MKLN1: variants seen among roughly 807,000 people sequenced by gnomAD.
MKLN1 encodes the protein muskelin 1, also known as muskelin.
A neutral mutation model predicts 99.0 loss-of-function variants in MKLN1; 18 were observed. The ratio of observed to expected loss-of-function variants is 0.18; its 90% CI spans 0.13 to 0.27. The LOEUF (loss-of-function observed/expected upper bound fraction) is 0.27, where lower values mean the gene tolerates loss of function less well. Ranked by LOEUF, MKLN1 falls within the 10% of genes least tolerant of loss-of-function variation. MKLN1 has a pLI of 1.00. For missense variants in MKLN1, 621 were observed against 875.9 expected (o/e 0.71, Z 3.67); for synonymous variants, 288 against 293.2 (o/e 0.98, Z 0.18).
intron 1 of MKLN1, among the ~76,000 whole-genome samples, chr7:131,332,278 A>G (rs575670575): frequency 4.0e-5 from 6 of 149,720 alleles, no homozygotes; most frequent in Non-Finnish European, 8.9e-5. Context: ...AAAGAAAAAA[A>G]ATATATAAAT....
At chr7:131,472,378 T>C (rs1448586758) in intron 16 of MKLN1, 1 of 152,224 alleles carries the variant, frequency 6.6e-6, no homozygotes, top group Non-Finnish European at 1.5e-5. Context: ...TTCTTAAAGT[T>C]AAACTAATGG....
At chr7:131,313,589 T>C (rs1798609561) in intron 3 of MKLN1, among the ~76,000 whole-genome samples, 1 of 152,216 alleles carries the variant, frequency 6.6e-6, no homozygotes, top group African/African-American at 2.4e-5. Context: ...ACTTTATATC[T>C]CAAAGTACAA....
At chr7:131,394,304 T>C (rs1194479553) in intron 4 of MKLN1, among the ~76,000 whole-genome samples, 1 of 152,054 alleles carries the variant, frequency 6.6e-6, no homozygotes, top group Non-Finnish European at 1.5e-5. Context: ...GTCCCCAACC[T>C]TTTTGACACC....
intron 2 of MKLN1, among the ~76,000 whole-genome samples, chr7:131,187,686 T>C (rs1796472676): frequency 1.3e-5 from 2 of 152,186 alleles, no homozygotes; most frequent in African/African-American, 4.8e-5. Flanking sequence ...CTCAGCACTT[T>C]GGGACGCTGA....
At chr7:131,151,613 T>C (rs11770857) in intron 2 of MKLN1, among the ~76,000 whole-genome samples, 22,661 of 152,194 alleles carry the variant, frequency 0.15, 1,871 homozygotes, top group South Asian at 0.22. Context: ...TAAAGAGTAC[T>C]GGACAAAGTT....
chr7:131,253,185 T>G (rs1456115253), intron 3 of MKLN1, among the ~76,000 whole-genome samples: 1 of 152,178 alleles, frequency 6.6e-6, no homozygotes, highest in Non-Finnish European at 1.5e-5. Context: ...TAAGAACAGT[T>G]GGGAGTCCAT....
At position 131,144,375 on chromosome 7, in the gene MKLN1, G is replaced by A. The variant is rs536614889; in HGVS notation, c.-297+1434G>A. 9.9e-5 allele frequency among the ~76,000 whole-genome samples: 15 copies of A among 151,408 alleles called. No individual in the cohort carries two copies. In the South Asian group the frequency reaches 2.1e-3, roughly 21 times the overall value. ...TGGGCGCCTGTAGTCCCAGCTACTC[G>A]GGAGGCCAAGGAAGGAGAATGGCAT... is the stretch of plus-strand genomic sequence containing the variant. On this transcript the variant is annotated intron_variant, in intron 2 of 7. Transcript: ENST00000416992.
intron 3 of MKLN1, among the ~76,000 whole-genome samples, chr7:131,282,001 C>T (rs1798058675): frequency 6.6e-6 from 1 of 152,018 alleles, no homozygotes; most frequent in Non-Finnish European, 1.5e-5. Context: ...ATCTTATACT[C>T]TTATCATGGT....
intron 3 of MKLN1, among the ~76,000 whole-genome samples, chr7:131,308,736 C>A (rs752503493): frequency 1.2e-4 from 19 of 152,026 alleles, no homozygotes; most frequent in Non-Finnish European, 2.6e-4. Context: ...TAGGCATGTG[C>A]CACCACGCCT....
chr7:131,312,129 T>C (rs1391476529), intron 3 of MKLN1, among the ~76,000 whole-genome samples: 6 of 152,068 alleles, frequency 3.9e-5, no homozygotes, highest in Admixed American at 1.3e-4. Context: ...TTCAAGTGAT[T>C]CTCCTGCCTC....
chr7:131,418,106 C>T (rs1230512073), intron 8 of MKLN1, among the ~76,000 whole-genome samples: 3 of 152,004 alleles, frequency 2.0e-5, no homozygotes, highest in South Asian at 2.1e-4. Context: ...CGGTGGCTCA[C>T]GCCTGTAATC....
Position 131,281,799 on chromosome 7 carries a change from G to A in MKLN1, c.-179+78825G>A, listed in dbSNP as rs572019715. Reference sequence around the variant, plus strand: ...TGAGCTCAGCAATCATCCCATCTCAGTCTTGTGAGTGGCTAGGACTACACA... The same window carrying A: ...TGAGCTCAGCAATCATCCCATCTCAATCTTGTGAGTGGCTAGGACTACACA... On this transcript the variant is annotated intron_variant, in intron 3 of 7. Transcript: ENST00000416992. 4.6e-5 allele frequency among the ~76,000 whole-genome samples: 7 copies of A among 151,870 alleles called. No homozygotes were observed. In the South Asian group the frequency reaches 8.3e-4, roughly 18 times the overall value.
At chr7:131,130,726 A>G (rs897321289) in intron 1 of MKLN1, among the ~76,000 whole-genome samples, 32 of 152,212 alleles carry the variant, frequency 2.1e-4, no homozygotes, top group Middle Eastern at 3.2e-3. Context: ...ATTTATTACT[A>G]ATGTATTATT....
At chr7:131,308,066 A>C (rs1798494924) in intron 3 of MKLN1, among the ~76,000 whole-genome samples, 1 of 152,118 alleles carries the variant, frequency 6.6e-6, no homozygotes, top group Admixed American at 6.5e-5. Flanking sequence ...ATGTGAGTGA[A>C]TTCTCATGAG....
intron 6 of MKLN1, 82 bp from the exon 7 acceptor site, chr7:131,411,224 C>G (rs545828496): frequency 4.5e-5 from 34 of 762,268 alleles, no homozygotes; most frequent in Non-Finnish European, 6.9e-5. Flanking sequence ...TTTAATGTAG[C>G]CTTTTAAATT....
Position 131,327,882 on chromosome 7 carries a change from C to G in MKLN1, c.-18C>G. 1.2e-6 allele frequency: 2 copies of G among 1,609,302 alleles called. No individual in the cohort carries two copies. Among genetic ancestry groups the G allele is most frequent in the East Asian group, 2.2e-5 (1 of 44,788 alleles). ...TTCGCTGCCAGCGGTCGGTGGCGGC[C>G]GCTACGGTGCTGACAAGATGGCGGC... is the stretch of plus-strand genomic sequence containing the variant. On this transcript the variant is annotated 5_prime_UTR_variant, in exon 1 of 18. Transcript: ENST00000352689.
Position 131,389,746 on chromosome 7 carries a change from G to A in MKLN1, c.400+774G>A, listed in dbSNP as rs570609527. Among the ~76,000 whole-genome samples, 7 of 151,974 alleles carry A rather than the reference G, an allele frequency of 4.6e-5. No homozygotes were observed. The East Asian group carries it at 7.7e-4, about 17-fold the overall frequency. On this transcript the variant is annotated intron_variant, in intron 4 of 17. Transcript: ENST00000352689. ...TAAAAATACAAAAAAAAATTTAGCT[G>A]GGCGTGGTGGTAGGCGCCTGTAGTC...
intron 2 of MKLN1, among the ~76,000 whole-genome samples, chr7:131,144,844 G>A (rs560989864): frequency 2.6e-5 from 4 of 152,074 alleles, no homozygotes; most frequent in Non-Finnish European, 5.9e-5. Flanking sequence ...AGGCGTGGTG[G>A]CACACGCCTG....
upstream of MKLN1, chr7:131,324,441 G>A (rs550067008): frequency 3.9e-5 from 6 of 152,156 alleles, no homozygotes; most frequent in Non-Finnish European, 7.3e-5. Context: ...AGGAAGAAGC[G>A]GAGGCAAAAT....
Sources: gnomAD v4.1 joint callset for allele counts (sites outside exome capture counted in the v4.1 genomes callset) on GRCh38, gnomAD v4.1.1 for gene constraint, MANE v1.5 for transcripts, NCBI Gene and HGNC (gene_info 2026-07-23, HGNC 2026-07-21) for gene names.